The following TPD52 variants were observed in gnomAD, a reference collection of about 807,000 sequenced individuals.
The protein encoded by TPD52 is prostate and colon associated protein.
Under a neutral mutation model 31.3 loss-of-function variants are expected in TPD52, and 17 were observed. The ratio of observed to expected loss-of-function variants is 0.54; its 90% CI spans 0.37 to 0.82. The LOEUF (loss-of-function observed/expected upper bound fraction) is 0.82, where lower values mean the gene tolerates loss of function less well. Among genes scored for constraint, TPD52 ranks in the 40% least tolerant of loss-of-function variants. The probability of loss-of-function intolerance (pLI) is 0.00; values close to 1 mark genes in which losing one functional copy is unlikely to be tolerated. For missense variants in TPD52, 212 were observed against 240.1 expected (o/e 0.88, Z 0.77); for synonymous variants, 83 against 89.6 (o/e 0.93, Z 0.42).
intron 2 of TPD52, among the ~76,000 whole-genome samples, chr8:80,063,960 C>T (rs57287594): frequency 1.7e-5 from 2 of 121,128 alleles, no homozygotes; most frequent in African/African-American, 6.3e-5. Context: ...AAAGAGAAGC[C>T]AGAAGGGGAA....
At chr8:80,107,325 T>C (rs1430896659) in intron 1 of TPD52, among the ~76,000 whole-genome samples, 1 of 152,142 alleles carries the variant, frequency 6.6e-6, no homozygotes, top group African/African-American at 2.4e-5. Flanking sequence ...GTCCTTTTTG[T>C]AAATGGAGTC....
intron 1 of TPD52, among the ~76,000 whole-genome samples, chr8:80,157,457 G>C (rs1401721432): frequency 3.3e-5 from 5 of 152,160 alleles, no homozygotes; most frequent in African/African-American, 1.2e-4. Context: ...GGAGAGGCAG[G>C]CTTGGCCGAT....
intron 1 of TPD52, 155 bp downstream of exon 1, chr8:80,171,270 G>T: frequency 1.0e-6 from 1 of 977,026 alleles, no homozygotes. Flanking sequence ...CAGGATGCCA[G>T]ATCCGGATCC....
intron 1 of TPD52, among the ~76,000 whole-genome samples, chr8:80,089,492 A>C (rs1175531386): frequency 6.6e-6 from 1 of 152,198 alleles, no homozygotes. Context: ...TTAAACTTCT[A>C]TCCTCAGGGA....
chr8:80,104,163 C>T (rs1222893813), intron 1 of TPD52, among the ~76,000 whole-genome samples: 1 of 139,636 alleles, frequency 7.2e-6, no homozygotes, highest in Non-Finnish European at 1.6e-5. Context: ...CAGCCACCAT[C>T]CAGGAGTGTC....
chr8:80,047,440 A>G (rs185880502), intron 5 of TPD52, among the ~76,000 whole-genome samples: 442 of 152,272 alleles, frequency 2.9e-3, no homozygotes, highest in South Asian at 3.5e-3. Flanking sequence ...TGCAAACAGG[A>G]GGGGAAATAT....
chr8:80,089,284 A>G (rs1339588608), intron 1 of TPD52, among the ~76,000 whole-genome samples: 1 of 152,200 alleles, frequency 6.6e-6, no homozygotes, highest in Non-Finnish European at 1.5e-5. Context: ...ACGGGCAATG[A>G]GAAGCCAACG....
At chr8:80,038,345 T>C (rs1810061236) in intron 7 of TPD52, 110 bp from the exon 8 acceptor site, 1 of 1,104,004 alleles carries the variant, frequency 9.1e-7, no homozygotes, top group Non-Finnish European at 1.3e-6. Context: ...AGCAACCTTA[T>C]AGCTCAGTGA....
intron 1 of TPD52, among the ~76,000 whole-genome samples, chr8:80,100,256 T>C (rs1806637379): frequency 6.6e-6 from 1 of 152,196 alleles, no homozygotes; most frequent in Non-Finnish European, 1.5e-5. Context: ...AGTAATATCT[T>C]AGTGTGAAGA....
chr8:80,134,929 T>C (rs948383153), intron 1 of TPD52, among the ~76,000 whole-genome samples: 1 of 152,180 alleles, frequency 6.6e-6, no homozygotes, highest in African/African-American at 2.4e-5. Context: ...CAGCGATAGA[T>C]AACTAATGCC....
chr8:80,164,898 C>CAAAAAAA lies in TPD52; in HGVS notation c.19+6520_19+6526dup, dbSNP rs34027501. On this transcript the variant is annotated intron_variant, in intron 1 of 7. Transcript: ENST00000518937. ...TGGGTGGCAGAGGGAGACAATGTCT[C>CAAAAAAA]AAAAAAAAAAAAAAAAAAAAAAAAA... 3.9e-3 allele frequency among the ~76,000 whole-genome samples: 126 copies of CAAAAAAA among 31,910 alleles called. 12 individuals carry two copies. The highest frequency in any genetic ancestry group is 0.023 in the South Asian group (8 of 350). The allele number at this position is 31,910 out of a possible 152,430, so 20.9% of individuals were successfully genotyped here.
At chr8:80,053,910 C>T (rs535977125) in intron 2 of TPD52, among the ~76,000 whole-genome samples, 1 of 152,326 alleles carries the variant, frequency 6.6e-6, no homozygotes, top group East Asian at 1.9e-4. Flanking sequence ...CAAATCCAAT[C>T]TCCTTGCATA....
At chr8:80,170,956 C>A in intron 1 of TPD52, 1 of 354,234 alleles carries the variant, frequency 2.8e-6, no homozygotes, top group South Asian at 2.2e-5. Context: ...ACCAAAAATC[C>A]TAACCACCTG....
chr8:80,096,319 A>ACACACACACACACAC (rs1563622982), intron 1 of TPD52, among the ~76,000 whole-genome samples: 30 of 139,350 alleles, frequency 2.2e-4, no homozygotes, highest in African/African-American at 8.2e-4. Context: ...CACACACACA[A>ACACACACACACACAC]ACTTCTCCTA....
rs143768516 is a variant in TPD52, at chr8:80,156,479, G to A, written c.19+14946C>T. On this transcript the variant is annotated intron_variant, in intron 1 of 7. Coordinates refer to ENST00000518937, the MANE Select transcript of TPD52 (RefSeq NM_001025253.3). ...ACCTTTTGGAGGGAGGAGTATCAAC[G>A]AATGTGTGAACATGTTTTAAAACCA... is the stretch of plus-strand genomic sequence containing the variant. Among the ~76,000 whole-genome samples the A allele has an allele frequency of 1.8e-3, 281 of 152,292 alleles. 1 individual carries two copies. The highest frequency in any genetic ancestry group is 3.4e-3 in the Middle Eastern group (1 of 294).
chr8:80,141,331 C>G (rs1383745486), intron 1 of TPD52, among the ~76,000 whole-genome samples: 2 of 152,146 alleles, frequency 1.3e-5, no homozygotes, highest in Non-Finnish European at 2.9e-5. Context: ...CCACGTGGCA[C>G]CAGGGTTGGT....
intron 1 of TPD52, among the ~76,000 whole-genome samples, chr8:80,154,761 T>A (rs1810835597): frequency 2.0e-5 from 3 of 146,990 alleles, no homozygotes; most frequent in Non-Finnish European, 3.0e-5. Context: ...ACAAAACACC[T>A]ACATTAGCTT....
intron 1 of TPD52, among the ~76,000 whole-genome samples, chr8:80,101,028 T>G (rs569927034): frequency 6.6e-6 from 1 of 152,214 alleles, no homozygotes; most frequent in Non-Finnish European, 1.5e-5. Flanking sequence ...AGTGTTGCCA[T>G]ACCAAGTGTT....
chr8:80,076,351 G>A (rs753907802), intron 1 of TPD52, among the ~76,000 whole-genome samples: 2 of 152,174 alleles, frequency 1.3e-5, no homozygotes, highest in Non-Finnish European at 2.9e-5. Context: ...CCTATCCTTT[G>A]CAAGAACATG....
Sources: gnomAD v4.1 joint callset for allele counts (sites outside exome capture counted in the v4.1 genomes callset) on GRCh38, gnomAD v4.1.1 for gene constraint, MANE v1.5 for transcripts, NCBI Gene and HGNC (gene_info 2026-07-23, HGNC 2026-07-21) for gene names.